HDAC5: variants seen among roughly 807,000 people sequenced by gnomAD.
HDAC5 encodes the protein histone deacetylase 5, also known as antigen NY-CO-9.
HDAC5 carries 25 observed loss-of-function variants against 133.3 expected under a neutral mutation model. The observed-to-expected ratio is 0.19, with a 90% CI of 0.14 to 0.26. HDAC5 has a LOEUF of 0.26. Ranked by LOEUF, HDAC5 falls within the 10% of genes least tolerant of loss-of-function variation. The pLI, the probability that HDAC5 is intolerant of heterozygous loss-of-function variation, is 1.00. For synonymous variants in HDAC5, 589 were observed against 610.8 expected, an observed-to-expected ratio of 0.96 and a Z score of 0.53; for missense variants, 1,041 against 1,460.5, an observed-to-expected ratio of 0.71 and a Z score of 4.68.
Position 44,080,514 on chromosome 17 carries a change from G to T in HDAC5, c.2728-16C>A. ...CTCCACCAACCTGGCACCAGAGTTG[G>T]GGAGAGGGCTATTCTCACCACCTGG... On this transcript the variant is annotated splice_polypyrimidine_tract_variant and intron_variant, in intron 21 of 26. Coordinates refer to ENST00000682912, the MANE Select transcript of HDAC5 (RefSeq NM_005474.5). The T allele has an allele frequency of 6.2e-7, 1 of 1,612,948 alleles. No homozygotes were observed. The highest frequency in any genetic ancestry group is 1.1e-5 in the South Asian group (1 of 91,060).
intron 26 of HDAC5, 21 bp downstream of exon 26, chr17:44,078,479 G>A: frequency 5.0e-6 from 8 of 1,595,630 alleles, no homozygotes; most frequent in African/African-American, 1.3e-5. Context: ...GGGCAGAGAG[G>A]TGGTGCGGGT....
Position 44,082,683 on chromosome 17 carries a change from G to C in HDAC5, c.2520-11C>G. On this transcript the variant is annotated splice_polypyrimidine_tract_variant and intron_variant, in intron 19 of 26. Coordinates refer to ENST00000682912, the MANE Select transcript of HDAC5 (RefSeq NM_005474.5). ...AAGAAGCAGAATCCCCTGAGGAGGG[G>C]AGAAAAGGGCAGGAGGTCAGCCTCA... 6.2e-7 allele frequency: 1 copy of C among 1,613,652 alleles called. No homozygotes were observed. The highest frequency in any genetic ancestry group is 1.1e-5 in the South Asian group (1 of 91,046).
chr17:44,084,542 T>G lies in HDAC5; in HGVS notation c.2305+13A>C. ...CTGAACATGCCTGCCCGCCCACCCA[T>G]GTGCCAGCTCACCGAGCAACTTCTT... is the stretch of plus-strand genomic sequence containing the variant. On this transcript the variant is annotated intron_variant, in intron 16 of 26. Transcript: ENST00000682912. 6.2e-7 allele frequency: 1 copy of G among 1,606,268 alleles called. No homozygotes were observed. The highest frequency in any genetic ancestry group is 1.3e-5 in the African/African-American group (1 of 74,780).
chr17:44,098,474 C>G (rs890980688), intron 3 of HDAC5, among the ~76,000 whole-genome samples: 1 of 152,200 alleles, frequency 6.6e-6, no homozygotes, highest in Non-Finnish European at 1.5e-5. Context: ...CGCAGTGGCT[C>G]ATGCCTGTAA....
rs61746464 is a variant in HDAC5, at chr17:44,091,491, G to A, written c.1166C>T (p.Ala389Val). ...TVTVTNSHLT[A>V]SPKLSTQQEA... ...CTGCTGTGTCGACAGCTTCGGGGAG[G>A]CCTGGGGGGTGAAGGGAGGGGCTTA... Residue 389 changes from alanine to valine, a missense_variant and splice_region_variant, in exon 11 of 27, where the codon GCC becomes GTC. Transcript: ENST00000682912. The A allele has an allele frequency of 6.5e-7, 1 of 1,546,106 alleles. No homozygotes were observed. The highest frequency in any genetic ancestry group is 8.7e-7 in the Non-Finnish European group (1 of 1,150,228).
At chr17:44,088,230 C>T (rs895521479) in intron 12 of HDAC5, among the ~76,000 whole-genome samples, 157 bp downstream of exon 12, 1 of 152,190 alleles carries the variant, frequency 6.6e-6, no homozygotes, top group Non-Finnish European at 1.5e-5. Context: ...CCAGGCTGGT[C>T]TCGAACTCCT....
intron 16 of HDAC5, 140 bp from the exon 17 acceptor site, chr17:44,083,994 C>T (rs1409545084): frequency 1.3e-5 from 9 of 690,776 alleles, no homozygotes; most frequent in Middle Eastern, 3.7e-4. Context: ...CGTGGTGGCA[C>T]ACACCTGTAA....
intron 4 of HDAC5, 23 bp downstream of exon 4, chr17:44,093,551 GC>G (rs766143107): frequency 5.0e-6 from 8 of 1,597,830 alleles, no homozygotes; most frequent in Middle Eastern, 1.7e-4. Flanking sequence ...GGTCTGGGCG[GC>G]CCCCCGCACC....
At chr17:44,100,955 A>AT (rs2051567629) in intron 3 of HDAC5, among the ~76,000 whole-genome samples, 1 of 148,022 alleles carries the variant, frequency 6.8e-6, no homozygotes, top group South Asian at 2.1e-4. Flanking sequence ...CACCCACCTA[A>AT]TTTTTTGTAT....
chr17:44,084,935 A>G (rs1567986381), intron 15 of HDAC5, 87 bp downstream of exon 15: 1 of 1,487,876 alleles, frequency 6.7e-7, no homozygotes, highest in East Asian at 2.3e-5. Flanking sequence ...AGAGAGGATG[A>G]GGAAGAAGCA....
Position 44,093,565 on chromosome 17 carries a change from C to G in HDAC5, c.354+10G>C, listed in dbSNP as rs986085881. ...AGGTCTGGGCGGCCCCCCGCACCCC[C>G]CTCGCTCACCTTGAGGTGCTTCTGC... On this transcript the variant is annotated intron_variant, in intron 4 of 26. Transcript: ENST00000682912. 5 of 1,601,558 alleles carry G rather than the reference C, an allele frequency of 3.1e-6. No individual in the cohort carries two copies. Among genetic ancestry groups the G allele is most frequent in the African/African-American group, 1.3e-5 (1 of 74,804 alleles).
At chr17:44,118,622 C>T (rs2052795877) in intron 1 of HDAC5, among the ~76,000 whole-genome samples, 1 of 152,204 alleles carries the variant, frequency 6.6e-6, no homozygotes, top group Non-Finnish European at 1.5e-5. Context: ...AGTTAGTCCT[C>T]AAGCCTCAGA....
At chr17:44,087,371 A>G (rs775858558) in intron 13 of HDAC5, 41 bp downstream of exon 13, 1 of 743,270 alleles carries the variant, frequency 1.3e-6, no homozygotes, top group South Asian at 1.5e-5. Flanking sequence ...AGAAGGACAG[A>G]GGGGTGGTGA....
At position 44,081,141 on chromosome 17, in the gene HDAC5, C is replaced by T. The variant is rs535689594; in HGVS notation, c.2608-259G>A. On this transcript the variant is annotated intron_variant, in intron 20 of 26. Transcript: ENST00000682912. The stretch of plus-strand genomic sequence containing the variant: ...GGGGTGGCACTGTGTAGGTGATATT[C>T]AAAACCATGGGATAAATGTGGCATA... Among the ~76,000 whole-genome samples, 14 of 152,310 alleles carry T rather than the reference C, an allele frequency of 9.2e-5. 1 individual carries two copies. In the South Asian group the frequency reaches 2.9e-3, roughly 32 times the overall value.
chr17:44,115,758 T>A (rs998717512), intron 2 of HDAC5, among the ~76,000 whole-genome samples: 3 of 152,066 alleles, frequency 2.0e-5, no homozygotes, highest in Non-Finnish European at 4.4e-5. Context: ...CTTTTTTCCT[T>A]CTTTCCCCAA....
Position 44,087,478 on chromosome 17 carries a change from G to T in HDAC5, c.1818C>A (p.Asp606Glu), listed in dbSNP as rs62640377. Reference protein sequence around the residue: ...EEEEDCIQVKDEEGESGAEEG... With the variant: ...EEEEDCIQVKEEEGESGAEEG... Reference sequence around the variant, plus strand: ...CCTCAGCACCACTCTCGCCCTCCTCGTCCTTAACCTGGATGCAATCCTCCT... The same window carrying T: ...CCTCAGCACCACTCTCGCCCTCCTCTTCCTTAACCTGGATGCAATCCTCCT... The change falls in exon 13 of 27, where the codon GAC becomes GAA. Residue 606 changes from aspartate (D) to glutamate (E), a missense_variant. Transcript: ENST00000682912. The T allele has an allele frequency of 8.4e-6, 13 of 1,551,298 alleles. No homozygotes were observed. Among genetic ancestry groups the T allele is most frequent in the Non-Finnish European group, 1.2e-5 (13 of 1,123,136 alleles).
At position 44,078,354 on chromosome 17, in the gene HDAC5, C is replaced by T; in HGVS notation, c.*22G>A. On this transcript the variant is annotated 3_prime_UTR_variant, in exon 27 of 27. Transcript: ENST00000682912. ...TAAACAAAATCACAATGGTGAAGCCCAGAGGGATGGGGGCCGGGGCGTCAC... is the reference window on the plus strand; with the variant it reads ...TAAACAAAATCACAATGGTGAAGCCTAGAGGGATGGGGGCCGGGGCGTCAC... 1 of 1,526,518 alleles carries T rather than the reference C, an allele frequency of 6.6e-7. No individual in the cohort carries two copies. Among genetic ancestry groups the T allele is most frequent in the Non-Finnish European group, 8.8e-7 (1 of 1,140,514 alleles). The allele number at this position is 1,526,518 out of a possible 1,614,324, so 94.6% of individuals were successfully genotyped here. A position where few individuals can be genotyped will look rare whatever the true frequency, so the allele number is the denominator to read the frequency against.
At chr17:44,101,661 G>C (rs535431270) in intron 3 of HDAC5, among the ~76,000 whole-genome samples, 84 of 152,276 alleles carry the variant, frequency 5.5e-4, no homozygotes, top group African/African-American at 2.0e-3. Context: ...ACACAGGTGA[G>C]GAAACCAAGC....
intron 14 of HDAC5, among the ~76,000 whole-genome samples, chr17:44,085,943 T>C (rs2050627357): frequency 6.6e-6 from 1 of 152,080 alleles, no homozygotes; most frequent in African/African-American, 2.4e-5. Flanking sequence ...CACCTGGCCT[T>C]TCCTCTCCAG....
Sources: allele counts gnomAD v4.1 joint callset (sites outside exome capture counted in the v4.1 genomes callset), GRCh38; gene constraint gnomAD v4.1.1; transcripts MANE v1.5; gene names NCBI Gene and HGNC (gene_info 2026-07-23, HGNC 2026-07-21).